The following PCDH15 variants were observed in gnomAD, a reference collection of about 807,000 sequenced individuals.
PCDH15 encodes protocadherin-15.
PCDH15 carries 129 observed loss-of-function variants against 178.5 expected under a neutral mutation model. The ratio of observed to expected loss-of-function variants is 0.72; its 90% confidence interval spans 0.63 to 0.84. The LOEUF (loss-of-function observed/expected upper bound fraction) is 0.84. Ranked by LOEUF, PCDH15 falls within the 40% of genes least tolerant of loss-of-function variation. The probability of loss-of-function intolerance (pLI) is 0.00; values close to 1 mark genes in which losing one functional copy is unlikely to be tolerated. For synonymous variants in PCDH15, 800 were observed against 732.0 expected, an observed-to-expected ratio of 1.09 and a Z score of -1.50; for missense variants, 2,230 against 2,099.9, an observed-to-expected ratio of 1.06 and a Z score of -1.21.
intron 2 of PCDH15, among the ~76,000 whole-genome samples, chr10:55,077,902 T>C (rs1315759058): frequency 6.6e-6 from 1 of 152,154 alleles, no homozygotes; most frequent in African/African-American, 2.4e-5. Context: ...TTTGTGTCAT[T>C]ACTTTGCGAG....
chr10:54,764,374 C>T (rs1184747757), intron 1 of PCDH15, among the ~76,000 whole-genome samples: 1 of 152,008 alleles, frequency 6.6e-6, no homozygotes, highest in East Asian at 1.9e-4. Flanking sequence ...AGAAATGTGA[C>T]TCCTATGAAC....
intron 2 of PCDH15, among the ~76,000 whole-genome samples, chr10:55,332,914 C>T (rs894619157): frequency 1.3e-5 from 2 of 152,096 alleles, no homozygotes; most frequent in African/African-American, 4.8e-5. Flanking sequence ...GTGTCTTTAT[C>T]AGCAGCATGA....
intron 8 of PCDH15, among the ~76,000 whole-genome samples, chr10:54,309,304 CAT>C (rs1188361567): frequency 7.4e-6 from 1 of 134,816 alleles, no homozygotes; most frequent in Non-Finnish European, 1.5e-5. Context: ...TACACACAAA[CAT>C]ATATATACGT....
At chr10:53,887,274 T>C (rs1487216643) in intron 26 of PCDH15, among the ~76,000 whole-genome samples, 1 of 152,196 alleles carries the variant, frequency 6.6e-6, no homozygotes, top group Non-Finnish European at 1.5e-5. Context: ...GGCATTGTTT[T>C]ACCAAGCATT....
At chr10:54,002,149 C>T (rs187164869) in intron 20 of PCDH15, among the ~76,000 whole-genome samples, 1 of 150,986 alleles carries the variant, frequency 6.6e-6, no homozygotes, top group East Asian at 2.0e-4. Flanking sequence ...TATACACATA[C>T]ACACACACAT....
At chr10:54,621,124 T>C (rs2093337855) in intron 2 of PCDH15, among the ~76,000 whole-genome samples, 1 of 152,020 alleles carries the variant, frequency 6.6e-6, no homozygotes. Context: ...CCAGTGGACA[T>C]AAAGCTGATT....
At chr10:54,973,168 C>A (rs1838980569) in intron 2 of PCDH15, among the ~76,000 whole-genome samples, 1 of 152,034 alleles carries the variant, frequency 6.6e-6, no homozygotes, top group Admixed American at 6.6e-5. Context: ...AATAAAAACA[C>A]CTGGTTTGTT....
At chr10:54,779,106 A>G (rs1332910790) in intron 1 of PCDH15, among the ~76,000 whole-genome samples, 1 of 152,086 alleles carries the variant, frequency 6.6e-6, no homozygotes, top group Non-Finnish European at 1.5e-5. Context: ...GACTATAAAA[A>G]CAAAATAGGC....
chr10:55,340,194 A>G (rs912209602), intron 2 of PCDH15, among the ~76,000 whole-genome samples: 1 of 150,936 alleles, frequency 6.6e-6, no homozygotes. Flanking sequence ...GTAAAATATA[A>G]TCTGTATAAT....
intron 18 of PCDH15, among the ~76,000 whole-genome samples, chr10:54,042,142 T>C (rs987014909): frequency 1.3e-5 from 2 of 152,084 alleles, no homozygotes; most frequent in African/African-American, 4.8e-5. Flanking sequence ...CAATTTCCCA[T>C]GGATGAAATA....
chr10:54,553,784 G>C (rs566169930), intron 2 of PCDH15, among the ~76,000 whole-genome samples: 19 of 152,094 alleles, frequency 1.2e-4, no homozygotes, highest in African/African-American at 4.3e-4. Context: ...TGTTATCCAA[G>C]AACCTCAGAT....
intron 1 of PCDH15, among the ~76,000 whole-genome samples, chr10:55,283,989 T>C (rs1842801871): frequency 6.8e-6 from 1 of 147,426 alleles, no homozygotes; most frequent in Non-Finnish European, 1.5e-5. Flanking sequence ...CTTTGTATAT[T>C]ACAGTGCTTT....
intron 1 of PCDH15, among the ~76,000 whole-genome samples, chr10:55,220,416 A>G (rs1840837460): frequency 6.6e-6 from 1 of 152,090 alleles, no homozygotes. Flanking sequence ...ATCCACAGAA[A>G]GATATACAGT....
intron 5 of PCDH15, among the ~76,000 whole-genome samples, chr10:54,359,623 A>G (rs949202675): frequency 6.6e-6 from 1 of 152,012 alleles, no homozygotes. Flanking sequence ...TTTTATAAAT[A>G]TAATGCACAT....
At chr10:54,516,436 G>A (rs564147537) in intron 3 of PCDH15, among the ~76,000 whole-genome samples, 22 of 152,140 alleles carry the variant, frequency 1.4e-4, no homozygotes, top group African/African-American at 2.9e-4. Context: ...GAGCCGATGA[G>A]ATCAACTGGA....
chr10:54,874,366 C>G (rs1024357557), intron 3 of PCDH15, among the ~76,000 whole-genome samples: 1 of 148,610 alleles, frequency 6.7e-6, no homozygotes, highest in Non-Finnish European at 1.5e-5. Context: ...TTAATCCAGT[C>G]TATCATTGTT....
chr10:54,421,843 C>CT (rs1955456907), intron 3 of PCDH15, among the ~76,000 whole-genome samples: 3 of 60,368 alleles, frequency 5.0e-5, no homozygotes, highest in Non-Finnish European at 1.0e-4. Flanking sequence ...TATATACACA[C>CT]ACACTATATA....
intron 3 of PCDH15, among the ~76,000 whole-genome samples, chr10:54,495,391 A>T (rs1234930285): frequency 6.6e-6 from 1 of 152,200 alleles, no homozygotes; most frequent in Non-Finnish European, 1.5e-5. Context: ...ATAAAAGAAA[A>T]TATATCTCCT....
rs532388262 is a variant in PCDH15, at chr10:54,059,108, G to A, written c.2220+7649C>T. On this transcript the variant is annotated intron_variant, in intron 18 of 37. Transcript: ENST00000644397. ...CTATCAGTCTACTCTCTATTTCCAT[G>A]AGAACAACTTTTTCAGCTCCAGCCT... 4.6e-5 allele frequency among the ~76,000 whole-genome samples: 7 copies of A among 152,220 alleles called. No homozygotes were observed. In the South Asian group the frequency reaches 8.3e-4, roughly 18 times the overall value.
Sources: gnomAD v4.1 joint callset for allele counts (sites outside exome capture counted in the v4.1 genomes callset) on GRCh38, gnomAD v4.1.1 for gene constraint, MANE v1.5 for transcripts, NCBI Gene and HGNC (gene_info 2026-07-23, HGNC 2026-07-21) for gene names.